Variants in KCNT1 observed in about 807,000 individuals in gnomAD.
KCNT1 encodes potassium channel subfamily T member 1.
A neutral mutation model predicts 147.8 loss-of-function variants in KCNT1; 78 were observed. The observed-to-expected ratio is 0.53, with a 90% CI of 0.44 to 0.64. The LOEUF is 0.64. KCNT1 is among the 30% of genes least tolerant of loss of function. The pLI, the probability that KCNT1 is intolerant of heterozygous loss-of-function variation, is 0.00. For missense variants in KCNT1, 1,419 were observed against 1,750.3 expected (o/e 0.81, Z 3.38); for synonymous variants, 867 against 748.8 (o/e 1.16, Z -2.58).
intron 2 of KCNT1, among the ~76,000 whole-genome samples, chr9:135,729,276 C>T (rs886787822): frequency 2.0e-5 from 3 of 152,230 alleles, no homozygotes; most frequent in Non-Finnish European, 4.4e-5. Context: ...GAACTGAACA[C>T]ATCTGTACTT....
At chr9:135,775,160 C>CG (rs2131534264) in intron 19 of KCNT1, 150 bp from the exon 20 acceptor site, 1 of 553,704 alleles carries the variant, frequency 1.8e-6, no homozygotes, top group South Asian at 2.5e-5. Flanking sequence ...AAGGGAAGAA[C>CG]GGGCCACCTT....
chr9:135,757,284 T>C lies in KCNT1; in HGVS notation c.676-14T>C, dbSNP rs763995566. 23 of 1,612,768 alleles carry C rather than the reference T, an allele frequency of 1.4e-5. No homozygotes were observed. Among genetic ancestry groups the C allele is most frequent in the Admixed American group, 5.0e-5 (3 of 60,010 alleles). ...GGGCCCTGGAGCCCCAGCCCTGACC[T>C]GTCCCCTTCACAGATCTTCTGGCCG... On this transcript the variant is annotated splice_polypyrimidine_tract_variant and intron_variant, in intron 8 of 30. Transcript: ENST00000371757.
At position 135,763,902 on chromosome 9, in the gene KCNT1, G is replaced by A. The variant is rs942627917; in HGVS notation, c.1036-1129G>A. On this transcript the variant is annotated intron_variant, in intron 11 of 30. Coordinates refer to ENST00000371757, the MANE Select transcript of KCNT1 (RefSeq NM_020822.3). Reference sequence around the variant, plus strand: ...AGGTGAGGAAGCTGAGGCTCAGAGTGGGGGACGTGAGCCCTGGGGTGTCTG... The same window carrying A: ...AGGTGAGGAAGCTGAGGCTCAGAGTAGGGGACGTGAGCCCTGGGGTGTCTG... Among the ~76,000 whole-genome samples the A allele has an allele frequency of 3.3e-5, 5 of 152,098 alleles. No individual in the cohort carries two copies. The South Asian group carries it at 6.2e-4, about 19-fold the overall frequency.
rs377071941 is a variant in KCNT1 at position 135,776,057 on chromosome 9, CG to C, written c.2349+647del. On this transcript the variant is annotated intron_variant, in intron 20 of 30. Coordinates refer to ENST00000371757, the MANE Select transcript of KCNT1 (RefSeq NM_020822.3). ...GTGGGGCCAGCCCTCCCTGGAAACT[CG>C]GGGGTCAATTGTCAGGTCACTGGCG... 5.8e-3 allele frequency among the ~76,000 whole-genome samples: 882 copies of C among 152,014 alleles called. 9 individuals are homozygous for C. Among genetic ancestry groups the C allele is most frequent in the African/African-American group, 0.019 (805 of 41,436 alleles).
At chr9:135,779,253 A>C (rs189985513) in intron 23 of KCNT1, 106 bp from the exon 24 acceptor site, 1,007 of 247,422 alleles carry the variant, frequency 4.1e-3, no homozygotes, top group Middle Eastern at 8.0e-3. Context: ...CCCCACAGCC[A>C]TGGGACCCCG....
intron 11 of KCNT1, among the ~76,000 whole-genome samples, chr9:135,762,917 G>C (rs935549744): frequency 2.6e-5 from 4 of 152,246 alleles, no homozygotes; most frequent in Admixed American, 2.6e-4. Flanking sequence ...CGACAGCCCA[G>C]CAGCCTGCAC....
intron 2 of KCNT1, among the ~76,000 whole-genome samples, chr9:135,719,192 C>T (rs915386264): frequency 2.6e-5 from 4 of 152,202 alleles, no homozygotes; most frequent in Non-Finnish European, 5.9e-5. Flanking sequence ...AAGAGTGTCC[C>T]GGAAGCCTAA....
intron 2 of KCNT1, among the ~76,000 whole-genome samples, chr9:135,735,607 G>A (rs1470833406): frequency 6.6e-6 from 1 of 152,064 alleles, no homozygotes; most frequent in East Asian, 1.9e-4. Context: ...GGGGCGGGCC[G>A]GCCCACTCCC....
At chr9:135,782,503 C>G (rs571315446) in intron 24 of KCNT1, among the ~76,000 whole-genome samples, 2 of 152,374 alleles carry the variant, frequency 1.3e-5, no homozygotes, top group African/African-American at 4.8e-5. Context: ...CCTGCTCCCT[C>G]TGACCGGGGG....
chr9:135,763,511 G>A (rs959093048), intron 11 of KCNT1, among the ~76,000 whole-genome samples: 7 of 152,290 alleles, frequency 4.6e-5, no homozygotes, highest in South Asian at 2.1e-4. Flanking sequence ...GGACAGAATC[G>A]GAAGTGGAGG....
At chr9:135,784,940 A>G (rs370656868) in intron 27 of KCNT1, 51 bp downstream of exon 27, 3 of 1,586,434 alleles carry the variant, frequency 1.9e-6, no homozygotes, top group Non-Finnish European at 8.6e-7. Context: ...GTCCTGTGTG[A>G]CCCACAGCAT....
intron 13 of KCNT1, among the ~76,000 whole-genome samples, chr9:135,768,144 C>T (rs978641781): frequency 1.4e-5 from 2 of 144,784 alleles, no homozygotes; most frequent in Non-Finnish European, 1.5e-5. Context: ...TCTCGAGTGT[C>T]GGAGCTTGGA....
intron 5 of KCNT1, 152 bp from the exon 6 acceptor site, chr9:135,754,969 C>T: frequency 3.3e-6 from 2 of 607,430 alleles, no homozygotes; most frequent in South Asian, 5.6e-5. Flanking sequence ...ATGGTCCCCT[C>T]CAAAGGCAAG....
At chr9:135,783,937 GCACA>G (rs1270322423) in intron 24 of KCNT1, 83 bp from the exon 25 acceptor site, 5 of 923,840 alleles carry the variant, frequency 5.4e-6, no homozygotes, top group African/African-American at 1.6e-5. Flanking sequence ...CATGTACGGT[GCACA>G]CACAGTGCCC....
rs574845796 is a variant in KCNT1, at chr9:135,710,466, G to T, written c.111-4111G>T. Among the ~76,000 whole-genome samples, 5 of 152,278 alleles carry T rather than the reference G, an allele frequency of 3.3e-5. No homozygotes were observed. The East Asian group carries it at 9.6e-4, about 29-fold the overall frequency. On this transcript the variant is annotated intron_variant, in intron 1 of 30. Coordinates refer to ENST00000371757, the MANE Select transcript of KCNT1 (RefSeq NM_020822.3). ...CCATCAACACAATGGGAAGGATGTC[G>T]CCCCTCCTGATATTTGCAACCGTGA...
chr9:135,772,902 G>C lies in KCNT1; in HGVS notation c.2196G>C (p.Ser732=). The part of the protein sequence containing the change: ...LLPCDLLSDQ[S]EDEVTPSDDE... Reference sequence around the variant, plus strand: ...CCTGCGACCTGCTGAGCGACCAGTCGGAGGATGAGGTGACGCCGTCGGACG... The same window carrying C: ...CCTGCGACCTGCTGAGCGACCAGTCCGAGGATGAGGTGACGCCGTCGGACG... Residue 732 remains serine (S), a synonymous_variant, in exon 19 of 31, where the codon TCG becomes TCC. Transcript: ENST00000371757. 1.3e-6 allele frequency: 2 copies of C among 1,550,930 alleles called. No individual in the cohort carries two copies. The highest frequency in any genetic ancestry group is 1.7e-6 in the Non-Finnish European group (2 of 1,149,624).
intron 2 of KCNT1, among the ~76,000 whole-genome samples, chr9:135,735,133 C>G (rs1022117763): frequency 1.3e-5 from 2 of 152,172 alleles, no homozygotes; most frequent in Admixed American, 6.5e-5. Flanking sequence ...ACAAACAGCG[C>G]TCTCCCCTGG....
intron 29 of KCNT1, chr9:135,788,020 G>C (rs1480690464): frequency 2.9e-5 from 32 of 1,118,714 alleles, no homozygotes; most frequent in Non-Finnish European, 2.7e-6. Context: ...CCCGCCCACT[G>C]TGCCGGCCGC....
intron 2 of KCNT1, among the ~76,000 whole-genome samples, chr9:135,734,538 T>C (rs1051580325): frequency 4.6e-5 from 7 of 152,186 alleles, no homozygotes; most frequent in Middle Eastern, 6.3e-3. Flanking sequence ...AGGCGGCACC[T>C]GCTGCAGCCG....
Sources: gnomAD v4.1 joint callset for allele counts (sites outside exome capture counted in the v4.1 genomes callset) on GRCh38, gnomAD v4.1.1 for gene constraint, MANE v1.5 for transcripts, NCBI Gene and HGNC (gene_info 2026-07-23, HGNC 2026-07-21) for gene names.